Variants in NRG3 observed in about 807,000 individuals in gnomAD.
NRG3 encodes the protein pro-neuregulin-3, membrane-bound isoform.
In NRG3, 31 loss-of-function variants were observed where a neutral mutation model predicts 66.9. The ratio of observed to expected loss-of-function variants is 0.46; its 90% confidence interval spans 0.35 to 0.63. The LOEUF is 0.63. Ranked by LOEUF, NRG3 falls within the 20% of genes least tolerant of loss-of-function variation. The pLI is 0.00. For synonymous variants in NRG3, 393 were observed against 359.4 expected (o/e 1.09, Z -1.06); for missense variants, 910 against 878.9 (o/e 1.04, Z -0.45).
At chr10:82,958,446 C>T (rs1005002625) in intron 5 of NRG3, among the ~76,000 whole-genome samples, 1 of 152,094 alleles carries the variant, frequency 6.6e-6, no homozygotes, top group African/African-American at 2.4e-5. Context: ...CTCTTGGTAA[C>T]AATAAATGAG....
At chr10:82,532,100 G>T (rs920089533) in intron 2 of NRG3, among the ~76,000 whole-genome samples, 1 of 151,886 alleles carries the variant, frequency 6.6e-6, no homozygotes, top group South Asian at 2.1e-4. Context: ...CTGTAATTAG[G>T]ATATCCATCG....
At position 82,979,137 on chromosome 10, in the gene NRG3, C is replaced by A; in HGVS notation, c.1583+17C>A. ...TTGCCAAGGGTAGGTCTTAAAACAG[C>A]AGTGGAATTTAGGGAGGGTGTCTTT... On this transcript the variant is annotated intron_variant, in intron 8 of 8. Coordinates refer to ENST00000372141, the MANE Select transcript of NRG3 (RefSeq NM_001010848.4). 3.7e-6 allele frequency: 6 copies of A among 1,612,502 alleles called. No homozygotes were observed. The highest frequency in any genetic ancestry group is 5.1e-6 in the Non-Finnish European group (6 of 1,178,864).
intron 3 of NRG3, among the ~76,000 whole-genome samples, chr10:82,820,554 A>G (rs142346320): frequency 4.5e-4 from 68 of 152,328 alleles, no homozygotes; most frequent in African/African-American, 1.4e-3. Context: ...CAGCTAGATA[A>G]GCAGATAAAT....
rs990043930 is a variant in NRG3 at position 82,591,094 on chromosome 10, C to A, written c.954-147483C>A. Among the ~76,000 whole-genome samples, 4 of 152,152 alleles carry A rather than the reference C, an allele frequency of 2.6e-5. No homozygotes were observed. In the East Asian group the frequency reaches 7.7e-4, roughly 29 times the overall value. ...GCTGTCAGTCTTGGGGACCACATTT[C>A]ATATTCTTTTCACTAGTGGGAAAGG... On this transcript the variant is annotated intron_variant, in intron 2 of 8. Transcript: ENST00000372141.
At chr10:82,949,024 A>C (rs1023944222) in intron 4 of NRG3, among the ~76,000 whole-genome samples, 1 of 152,228 alleles carries the variant, frequency 6.6e-6, no homozygotes, top group Non-Finnish European at 1.5e-5. Context: ...AGCTAGATAT[A>C]GATTTTTTAT....
chr10:82,153,533 G>T (rs1239342637), intron 1 of NRG3, among the ~76,000 whole-genome samples: 1 of 151,676 alleles, frequency 6.6e-6, no homozygotes, highest in East Asian at 1.9e-4. Context: ...ATGAGTGCAG[G>T]TATCTCTTTG....
At chr10:81,963,122 G>A (rs1220564132) in intron 1 of NRG3, among the ~76,000 whole-genome samples, 2 of 129,642 alleles carry the variant, frequency 1.5e-5, no homozygotes, top group Non-Finnish European at 1.5e-5. Context: ...TGCCACGAGG[G>A]CTCTTTTTTT....
At chr10:82,850,479 A>AT (rs1190403103) in intron 3 of NRG3, among the ~76,000 whole-genome samples, 1 of 151,394 alleles carries the variant, frequency 6.6e-6, no homozygotes, top group Admixed American at 6.6e-5. Flanking sequence ...CTCATCTTGG[A>AT]TTCACCATCC....
intron 4 of NRG3, among the ~76,000 whole-genome samples, chr10:82,917,495 T>C (rs1845953282): frequency 3.3e-5 from 5 of 152,222 alleles, no homozygotes; most frequent in Admixed American, 3.3e-4. Flanking sequence ...GCTGATTTCC[T>C]AGTTAACCTG....
At chr10:82,567,063 A>C (rs2045453792) in intron 2 of NRG3, among the ~76,000 whole-genome samples, 1 of 151,938 alleles carries the variant, frequency 6.6e-6, no homozygotes, top group African/African-American at 2.4e-5. Flanking sequence ...CACCATCTAA[A>C]CCCACAGGTT....
At chr10:82,780,082 T>A (rs1479824811) in intron 3 of NRG3, among the ~76,000 whole-genome samples, 1 of 152,238 alleles carries the variant, frequency 6.6e-6, no homozygotes, top group Non-Finnish European at 1.5e-5. Flanking sequence ...TAGTATTCCA[T>A]GGCGTATATG....
chr10:82,150,725 G>A (rs1433694017), intron 1 of NRG3, among the ~76,000 whole-genome samples: 1 of 151,850 alleles, frequency 6.6e-6, no homozygotes, highest in Non-Finnish European at 1.5e-5. Flanking sequence ...TAAAATATCC[G>A]TCTTTCATCT....
intron 1 of NRG3, among the ~76,000 whole-genome samples, chr10:82,339,139 T>TAC (rs1564811194): frequency 6.6e-6 from 1 of 152,232 alleles, no homozygotes; most frequent in Non-Finnish European, 1.5e-5. Context: ...AAGACCTGGA[T>TAC]GTTTTCAAAA....
intron 2 of NRG3, among the ~76,000 whole-genome samples, chr10:82,592,135 G>T (rs890334423): frequency 6.6e-6 from 1 of 152,184 alleles, no homozygotes; most frequent in Non-Finnish European, 1.5e-5. Flanking sequence ...AAACAAACAT[G>T]TAATGGCTCA....
chr10:82,215,803 C>A (rs937347201), intron 1 of NRG3, among the ~76,000 whole-genome samples: 2 of 150,804 alleles, frequency 1.3e-5, no homozygotes, highest in Non-Finnish European at 2.9e-5. Context: ...TGCCTTTGTA[C>A]TTTTATGCAA....
intron 1 of NRG3, among the ~76,000 whole-genome samples, chr10:82,016,526 C>T (rs2061793625): frequency 6.6e-6 from 1 of 152,038 alleles, no homozygotes; most frequent in South Asian, 2.1e-4. Flanking sequence ...TGTTATATTT[C>T]ACATTTATTT....
intron 1 of NRG3, among the ~76,000 whole-genome samples, chr10:81,970,274 A>G (rs2059884277): frequency 6.6e-6 from 1 of 152,222 alleles, no homozygotes; most frequent in South Asian, 2.1e-4. Context: ...ATTTACTGGT[A>G]AATCAACATG....
intron 2 of NRG3, among the ~76,000 whole-genome samples, chr10:82,366,416 A>G (rs1170974803): frequency 2.0e-5 from 3 of 152,196 alleles, no homozygotes; most frequent in East Asian, 1.9e-4. Context: ...TGTCTACTGT[A>G]TATTCTCAGG....
rs185467061 is a variant in NRG3, at chr10:82,833,674, C to T, written c.1028-31737C>T. On this transcript the variant is annotated intron_variant, in intron 3 of 8. Coordinates refer to ENST00000372141, the MANE Select transcript of NRG3 (RefSeq NM_001010848.4). Reference sequence around the variant, plus strand: ...GGTCTCCTAGCCTAAGGATTTACCACTGTGGTTAACCCTGCCCTGCCTGGG... The same window carrying T: ...GGTCTCCTAGCCTAAGGATTTACCATTGTGGTTAACCCTGCCCTGCCTGGG... 3.7e-3 allele frequency among the ~76,000 whole-genome samples: 562 copies of T among 152,332 alleles called. 2 individuals carry two copies. The highest frequency in any genetic ancestry group is 8.8e-3 in the African/African-American group (367 of 41,570).
Sources: gnomAD v4.1 joint callset for allele counts (sites outside exome capture counted in the v4.1 genomes callset) on GRCh38, gnomAD v4.1.1 for gene constraint, MANE v1.5 for transcripts, NCBI Gene and HGNC (gene_info 2026-07-23, HGNC 2026-07-21) for gene names.